Variants in MYO9A observed in about 807,000 individuals in gnomAD.
MYO9A encodes the protein myosin IXA, also known as unconventional myosin-IXa.
A neutral mutation model predicts 293.3 loss-of-function variants in MYO9A; 103 were observed. That is an observed-to-expected ratio of 0.35 (90% CI 0.30 to 0.41). The LOEUF (loss-of-function observed/expected upper bound fraction) is 0.41. Ranked by LOEUF, MYO9A falls within the 10% of genes least tolerant of loss-of-function variation. MYO9A has a pLI of 1.00. For synonymous variants in MYO9A, 1,001 were observed against 1,035.7 expected (o/e 0.97, Z 0.64); for missense variants, 2,685 against 3,033.0 (o/e 0.89, Z 2.69).
At chr15:72,035,592 C>T (rs1403878372) in intron 2 of MYO9A, among the ~76,000 whole-genome samples, 1 of 152,132 alleles carries the variant, frequency 6.6e-6, no homozygotes, top group African/African-American at 2.4e-5. Flanking sequence ...TGCTTGAAGC[C>T]AGGAGTTTGA....
At chr15:71,961,039 G>T (rs1468671051) in intron 13 of MYO9A, among the ~76,000 whole-genome samples, 1 of 152,162 alleles carries the variant, frequency 6.6e-6, no homozygotes. Flanking sequence ...ATAAAGGAAA[G>T]CCCTGGAAAG....
Position 71,826,536 on chromosome 15 carries a change from T to G in MYO9A, c.*44A>C. 2.6e-6 allele frequency: 4 copies of G among 1,516,604 alleles called. No individual in the cohort carries two copies. The highest frequency in any genetic ancestry group is 3.5e-6 in the Non-Finnish European group (4 of 1,132,276). 93.9% of individuals were successfully genotyped at this position (1,516,604 alleles called of 1,614,324 possible). On this transcript the variant is annotated 3_prime_UTR_variant, in exon 42 of 42. Transcript: ENST00000356056. ...TGAAACGCAGCCCCAAAGGTGAGAT[T>G]TGTTTACCACTCTGTAGCCACGGAG...
intron 1 of MYO9A, among the ~76,000 whole-genome samples, chr15:72,078,339 A>T (rs753534283): frequency 6.6e-6 from 1 of 151,344 alleles, no homozygotes; most frequent in Non-Finnish European, 1.5e-5. Flanking sequence ...TACAAAAAAT[A>T]AAATTAGCCA....
At chr15:71,892,746 C>T (rs908883723) in intron 26 of MYO9A, 2 of 249,638 alleles carry the variant, frequency 8.0e-6, no homozygotes, top group African/African-American at 4.6e-5. Context: ...TACATTAGTG[C>T]CAAGTCAAAT....
intron 18 of MYO9A, among the ~76,000 whole-genome samples, chr15:71,927,356 T>A (rs2058339162): frequency 6.6e-6 from 1 of 152,176 alleles, no homozygotes; most frequent in Non-Finnish European, 1.5e-5. Context: ...AGCTTTTGAG[T>A]TTGATGCAAT....
intron 1 of MYO9A, among the ~76,000 whole-genome samples, chr15:72,073,676 A>T (rs965452253): frequency 6.6e-6 from 1 of 152,246 alleles, no homozygotes; most frequent in Non-Finnish European, 1.5e-5. Context: ...GATATACAGT[A>T]ATCTTCTGAT....
chr15:71,967,942 C>T (rs2075917634), intron 13 of MYO9A, 42 bp downstream of exon 13: 4 of 1,556,604 alleles, frequency 2.6e-6, no homozygotes, highest in Non-Finnish European at 3.5e-6. Context: ...GTTAAGAACA[C>T]ATCTCTGCCC....
In MYO9A at chr15:71,904,992, C is replaced by T. The variant is rs1038533911; in HGVS notation, c.2700G>A (p.Lys900=). 1 of 1,602,884 alleles carries T rather than the reference C, an allele frequency of 6.2e-7. No individual in the cohort carries two copies. The highest frequency in any genetic ancestry group is 1.7e-5 in the Admixed American group (1 of 59,844). ...CTGCTTGACCAAGTGTTTCCATTAGCTTGCTTAATGATGCCTGCAACAGAA... is the reference window on the plus strand; with the variant it reads ...CTGCTTGACCAAGTGTTTCCATTAGTTTGCTTAATGATGCCTGCAACAGAA... ...ISAQFQASLS[K]LMETLGQAEP... The change falls in exon 20 of 42, where the codon AAG becomes AAA. Residue 900 remains lysine, a synonymous_variant. Transcript: ENST00000356056.
rs142651988 is a variant in MYO9A, at chr15:71,874,280, T to G, written c.5979+1511A>C. ...TTAGTAAGGTAGATGATAAATATTCTACAATTAGAATTTGCAATTTTTGGC... is the reference window on the plus strand; with the variant it reads ...TTAGTAAGGTAGATGATAAATATTCGACAATTAGAATTTGCAATTTTTGGC... On this transcript the variant is annotated intron_variant, in intron 32 of 41. Coordinates refer to ENST00000356056, the MANE Select transcript of MYO9A (RefSeq NM_006901.4). 3.2e-3 allele frequency among the ~76,000 whole-genome samples: 486 copies of G among 152,344 alleles called. 1 individual carries two copies. The highest frequency in any genetic ancestry group is 5.6e-3 in the Non-Finnish European group (379 of 68,032).
At chr15:72,032,428 TAA>T in intron 3 of MYO9A, 64 bp downstream of exon 3, 1 of 1,035,732 alleles carries the variant, frequency 9.7e-7, no homozygotes, top group Middle Eastern at 2.1e-4. Flanking sequence ...ACATAGTTTA[TAA>T]AAGGGTAAAG....
chr15:72,096,280 G>C (rs1414600478), intron 1 of MYO9A, among the ~76,000 whole-genome samples: 2 of 152,106 alleles, frequency 1.3e-5, no homozygotes, highest in African/African-American at 2.4e-5. Context: ...AGAGGCTGTA[G>C]TTAGTTGAGA....
At chr15:71,976,166 C>T (rs947800313) in intron 12 of MYO9A, among the ~76,000 whole-genome samples, 5 of 152,074 alleles carry the variant, frequency 3.3e-5, no homozygotes, top group Non-Finnish European at 7.4e-5. Flanking sequence ...TAGACAGTGT[C>T]AAATCTGAAT....
intron 2 of MYO9A, among the ~76,000 whole-genome samples, chr15:72,032,975 C>T (rs568910881): frequency 6.6e-6 from 1 of 152,146 alleles, no homozygotes; most frequent in African/African-American, 2.4e-5. Flanking sequence ...CTCAGCCTCC[C>T]GAGTAGCTGG....
chr15:72,038,045 T>C (rs1014416974), intron 2 of MYO9A, among the ~76,000 whole-genome samples: 21 of 152,130 alleles, frequency 1.4e-4, no homozygotes, highest in South Asian at 2.1e-4. Flanking sequence ...CTTCCAACAG[T>C]AGCTGGGACT....
At chr15:71,836,285 T>C (rs1288350060) in intron 39 of MYO9A, among the ~76,000 whole-genome samples, 2 of 151,836 alleles carry the variant, frequency 1.3e-5, no homozygotes, top group Non-Finnish European at 2.9e-5. Context: ...ACACACATTA[T>C]ACATGTTAGA....
chr15:71,865,884 G>C (rs1480845540), intron 32 of MYO9A, among the ~76,000 whole-genome samples: 2 of 152,146 alleles, frequency 1.3e-5, no homozygotes, highest in Non-Finnish European at 2.9e-5. Flanking sequence ...GTAATTTCTT[G>C]AGACAACCAT....
Position 71,898,567 on chromosome 15 carries a change from A to G in MYO9A, c.3936T>C (p.Pro1312=). 2 of 1,614,068 alleles carry G rather than the reference A, an allele frequency of 1.2e-6. No individual in the cohort carries two copies. The highest frequency in any genetic ancestry group is 2.2e-5 in the East Asian group (1 of 44,880). Residue 1312 remains proline (P), a synonymous_variant, in exon 25 of 42, where the codon CCT becomes CCC. Transcript: ENST00000356056. ...TACCCCGTGGAGACTGAAGGCCTTC[A>G]GGCACCAATTCTGTAGACCATCTGC... is the stretch of plus-strand genomic sequence containing the variant. The part of the protein sequence containing the change: ...EDRRWSTELV[P]EGLQSPRGTP...
intron 18 of MYO9A, among the ~76,000 whole-genome samples, chr15:71,925,956 G>A (rs1394890316): frequency 6.6e-6 from 1 of 152,064 alleles, no homozygotes; most frequent in Admixed American, 6.6e-5. Context: ...CATATTTCTT[G>A]TGTCCCCGTA....
chr15:71,990,495 T>G (rs555917825), intron 11 of MYO9A, among the ~76,000 whole-genome samples: 1 of 152,062 alleles, frequency 6.6e-6, no homozygotes, highest in East Asian at 1.9e-4. Flanking sequence ...GTGGCTCACA[T>G]CTATAATCCC....
Sources: gnomAD v4.1 joint callset for allele counts (sites outside exome capture counted in the v4.1 genomes callset) on GRCh38, gnomAD v4.1.1 for gene constraint, MANE v1.5 for transcripts, NCBI Gene and HGNC (gene_info 2026-07-23, HGNC 2026-07-21) for gene names.